The following ARHGAP9 variants were observed in gnomAD, a reference collection of about 807,000 sequenced individuals.
The protein encoded by ARHGAP9 is rho GTPase-activating protein 9.
Under a neutral mutation model 87.3 loss-of-function variants are expected in ARHGAP9, and 76 were observed. That is an observed-to-expected ratio of 0.87 (90% confidence interval 0.72 to 1.05). The LOEUF (loss-of-function observed/expected upper bound fraction) is 1.05. ARHGAP9 is among the 50% of genes least tolerant of loss of function. The probability of loss-of-function intolerance (pLI) is 0.00; values close to 1 mark genes in which losing one functional copy is unlikely to be tolerated. For missense variants in ARHGAP9, 941 were observed against 960.5 expected (o/e 0.98, Z 0.27); for synonymous variants, 382 against 394.9 (o/e 0.97, Z 0.39).
At chr12:57,488,276 G>C (rs1875611398) in intron 1 of ARHGAP9, 1 of 1,391,026 alleles carries the variant, frequency 7.2e-7, no homozygotes, top group South Asian at 1.2e-5. Flanking sequence ...AGCTGTCTTT[G>C]CCAAACCCCT....
chr12:57,488,084 C>T lies in ARHGAP9; in HGVS notation c.-204+528G>A, dbSNP rs749853478. 5 of 1,612,536 alleles carry T rather than the reference C, an allele frequency of 3.1e-6. No individual in the cohort carries two copies. In the South Asian group the frequency reaches 4.4e-5, roughly 14 times the overall value. On this transcript the variant is annotated intron_variant, in intron 1 of 20. Coordinates refer to the ARHGAP9 transcript ENST00000393797. ...TCCGGTTGCATCAGCGAGGGATTCA[C>T]GGCGAAATGAGACTGTTCGTGAGTG...
rs753763150 is a variant in ARHGAP9 at position 57,477,103 on chromosome 12, T to C, written c.870+53A>G. ...AGAATGTCTTACACAAAACAGAAAGTCATAACAAGCTGGCTTTTTCTGCAT... is the reference window on the plus strand; with the variant it reads ...AGAATGTCTTACACAAAACAGAAAGCCATAACAAGCTGGCTTTTTCTGCAT... On this transcript the variant is annotated intron_variant, in intron 5 of 17. Coordinates refer to ENST00000393791, the MANE Select transcript of ARHGAP9 (RefSeq NM_032496.4). 5 of 1,588,632 alleles carry C rather than the reference T, an allele frequency of 3.1e-6. No homozygotes were observed. The South Asian group carries it at 5.5e-5, about 18-fold the overall frequency.
chr12:57,478,162 C>T, intron 3 of ARHGAP9: 1 of 310,098 alleles, frequency 3.2e-6, no homozygotes, highest in South Asian at 3.5e-5. Flanking sequence ...CAGAAAAACC[C>T]TGCCCTGGGC....
At position 57,474,958 on chromosome 12, in the gene ARHGAP9, C is replaced by T; in HGVS notation, c.1568G>A (p.Cys523Tyr). The T allele has an allele frequency of 6.2e-7, 1 of 1,614,018 alleles. No individual in the cohort carries two copies. The highest frequency in any genetic ancestry group is 8.5e-7 in the Non-Finnish European group (1 of 1,180,032). The part of the protein sequence containing the change: ...RGLLRDQVFG[C>Y]QLESLCQREG... ...CCGCTGGCAGAGTGATTCCAACTGG[C>T]AGCCGAACACCTGGTCTGGGGAAGT... Residue 523 changes from cysteine to tyrosine, a missense_variant, in exon 13 of 18, where the codon TGC (cysteine) becomes TAC (tyrosine). Cys to Tyr is a radical substitution (Grantham distance 194). Coordinates refer to ENST00000393791, the MANE Select transcript of ARHGAP9 (RefSeq NM_032496.4).
rs767242224 is a variant in ARHGAP9 at position 57,474,435 on chromosome 12, G to A, written c.1771C>T (p.Gln591Ter). 1 of 1,614,066 alleles carries A rather than the reference G, an allele frequency of 6.2e-7. No homozygotes were observed. The change falls in exon 15 of 18, where the codon CAG becomes TAG. Residue 591 changes from glutamine (Q) to a stop codon, truncating the protein, a stop_gained. Transcript: ENST00000393791. LOFTEE classifies it high-confidence loss of function. ...TCCATGTAAGTACCTTGTCCTGGCTGTTCTGGGAACACATACCTCCCATCG... is the reference window on the plus strand; with the variant it reads ...TCCATGTAAGTACCTTGTCCTGGCTATTCTGGGAACACATACCTCCCATCG... Reference protein sequence around the residue: ...TSDGRYVFPEQPGQEGRLDLD... With the variant: ...TSDGRYVFPE
At chr12:57,476,304 C>T in intron 8 of ARHGAP9, 60 bp downstream of exon 8, 1 of 1,584,602 alleles carries the variant, frequency 6.3e-7, no homozygotes, top group Non-Finnish European at 8.6e-7. Flanking sequence ...GCCGCCCCCA[C>T]ATTGGCGTGA....
chr12:57,475,631 G>A lies in ARHGAP9; in HGVS notation c.1312-16C>T. On this transcript the variant is annotated splice_polypyrimidine_tract_variant and intron_variant, in intron 10 of 17. Coordinates refer to ENST00000393791, the MANE Select transcript of ARHGAP9 (RefSeq NM_032496.4). ...TCTCCCGATCCTAGACCCGGGGCGG[G>A]CCGTGTCGAAGGTGAGAGAGGAGAG... 1 of 1,605,558 alleles carries A rather than the reference G, an allele frequency of 6.2e-7. No homozygotes were observed. Among genetic ancestry groups the A allele is most frequent in the Non-Finnish European group, 8.5e-7 (1 of 1,176,164 alleles).
intron 9 of ARHGAP9, 34 bp downstream of exon 9, chr12:57,476,037 G>A: frequency 6.6e-7 from 1 of 1,511,670 alleles, no homozygotes; most frequent in South Asian, 1.3e-5. Flanking sequence ...CTCGGGTCGG[G>A]TGGGGCCTTG....
At position 57,476,464 on chromosome 12, in the gene ARHGAP9, C is replaced by T. The variant is rs766293958; in HGVS notation, c.1026-10G>A. The T allele has an allele frequency of 1.9e-6, 3 of 1,613,958 alleles. No homozygotes were observed. Among genetic ancestry groups the T allele is most frequent in the Admixed American group, 3.3e-5 (2 of 60,016 alleles). ...CGGGCCCCAGTTCTTCCTGCGGGGA[C>T]AGAGAGGGGAGGTAGTGGTAGCGAA... On this transcript the variant is annotated splice_polypyrimidine_tract_variant and intron_variant, in intron 7 of 17. Coordinates refer to ENST00000393791, the MANE Select transcript of ARHGAP9 (RefSeq NM_032496.4).
rs1382670372 is a variant in ARHGAP9, at chr12:57,472,452, CAG to C, written c.*63_*64del. The C allele has an allele frequency of 1.2e-5, 19 of 1,545,824 alleles. 1 individual carries two copies. The highest frequency in any genetic ancestry group is 4.9e-5 in the South Asian group (4 of 81,200). The stretch of plus-strand genomic sequence containing the variant: ...GAGATTTAAAGGGATATCCTCAAAA[CAG>C]AACACCAGCCTCTCACCACCAGAGA... On this transcript the variant is annotated 3_prime_UTR_variant, in exon 18 of 18. Coordinates refer to ENST00000393791, the MANE Select transcript of ARHGAP9 (RefSeq NM_032496.4).
intron 8 of ARHGAP9, 28 bp from the exon 9 acceptor site, chr12:57,476,194 A>G: frequency 2.0e-6 from 3 of 1,525,890 alleles, no homozygotes; most frequent in Non-Finnish European, 2.6e-6. Context: ...AACTGAGGCC[A>G]CGGTGTTGTT....
Position 57,472,625 on chromosome 12 carries a change from T to C in ARHGAP9, c.2088A>G (p.Pro696=), listed in dbSNP as rs540675302. ...TCTCCTGCTCTGGCCGAAACAGGGTTGGTCCAAACACAATTCCCAGGTTGT... is the reference window on the plus strand; with the variant it reads ...TCTCCTGCTCTGGCCGAAACAGGGTCGGTCCAAACACAATTCCCAGGTTGT... ...TPHNLGIVFG[P]TLFRPEQETS... is the part of the protein sequence containing the mutation. The change falls in exon 18 of 18, where the codon CCA becomes CCG. Residue 696 remains proline, a synonymous_variant. Transcript: ENST00000393791. 1 of 1,614,216 alleles carries C rather than the reference T, an allele frequency of 6.2e-7. No individual in the cohort carries two copies. Among genetic ancestry groups the C allele is most frequent in the East Asian group, 2.2e-5 (1 of 44,888 alleles).
At position 57,476,962 on chromosome 12, in the gene ARHGAP9, C is replaced by G. The variant is rs772922201; in HGVS notation, c.872G>C (p.Gly291Ala). ...GGTGCGTTGGCTGAGGCTGAGTGAA[C>G]CCTAGGGGAGAGGATTGGAGAAACA... is the stretch of plus-strand genomic sequence containing the variant. Reference protein sequence around the residue: ...TGTPEPLDPQGSLSLSQRTSQ... With the variant: ...TGTPEPLDPQASLSLSQRTSQ... The change falls in exon 6 of 18, where the codon GGT (glycine) becomes GCT (alanine). Residue 291 changes from glycine (G) to alanine (A), a missense_variant and splice_region_variant. Coordinates refer to ENST00000393791, the MANE Select transcript of ARHGAP9 (RefSeq NM_032496.4). 13 of 1,612,544 alleles carry G rather than the reference C, an allele frequency of 8.1e-6. No homozygotes were observed. Among genetic ancestry groups the G allele is most frequent in the Non-Finnish European group, 8.5e-6 (10 of 1,179,780 alleles).
rs1044489975 is a variant in ARHGAP9 at position 57,474,730 on chromosome 12, G to C, written c.1652-27C>G. ...TGGGAGATGAGGAAGGAGTAGATAA[G>C]GACTGCTGCTTGAAAGTGTGTGTGG... On this transcript the variant is annotated intron_variant, in intron 13 of 17. Transcript: ENST00000393791. 3.7e-6 allele frequency: 6 copies of C among 1,613,418 alleles called. No individual in the cohort carries two copies. The East Asian group carries it at 1.3e-4, about 36-fold the overall frequency.
chr12:57,478,617 G>A lies in ARHGAP9; in HGVS notation c.457C>T (p.Leu153=). 6.2e-7 allele frequency: 1 copy of A among 1,614,108 alleles called. No individual in the cohort carries two copies. Among genetic ancestry groups the A allele is most frequent in the Non-Finnish European group, 8.5e-7 (1 of 1,180,038 alleles). The change falls in exon 3 of 18, where the codon CTG becomes TTG. Residue 153 remains leucine (L), a synonymous_variant. Coordinates refer to ENST00000393791, the MANE Select transcript of ARHGAP9 (RefSeq NM_032496.4). ...CTTGGTCCTTCCTGGAAAGGCTTCA[G>A]AAGGCTGGGGCTCAGATTGTCAGTG... The part of the protein sequence containing the change: ...VSTDNLSPSL[L]KPFQEGPSGR...
chr12:57,478,236 C>T (rs1874479610), intron 3 of ARHGAP9: 1 of 378,612 alleles, frequency 2.6e-6, no homozygotes, highest in East Asian at 5.6e-5. Context: ...CGCCCTGTGC[C>T]CTGTCCCCTC....
chr12:57,476,943 T>C lies in ARHGAP9; in HGVS notation c.891A>G (p.Gln297=), dbSNP rs35090815. The C allele has an allele frequency of 3.9e-3, 6,306 of 1,613,254 alleles. 27 individuals are homozygous for C. The highest frequency in any genetic ancestry group is 0.016 in the South Asian group (1,465 of 91,022). Residue 297 remains glutamine (Q), a synonymous_variant, in exon 6 of 18, where the codon CAA becomes CAG. Coordinates refer to ENST00000393791, the MANE Select transcript of ARHGAP9 (RefSeq NM_032496.4). The part of the protein sequence containing the change: ...LDPQGSLSLS[Q]RTSQLDPPAL... ...CTGGAGGGTCAAGCTGCGAGGTGCG[T>C]TGGCTGAGGCTGAGTGAACCCTAGG...
rs1424882159 is a variant in ARHGAP9 at position 57,476,458 on chromosome 12, C to T, written c.1026-4G>A. On this transcript the variant is annotated splice_polypyrimidine_tract_variant and splice_region_variant and intron_variant, in intron 7 of 17. Transcript: ENST00000393791. ...CCAAGACGGGCCCCAGTTCTTCCTG[C>T]GGGGACAGAGAGGGGAGGTAGTGGT... 1 of 1,613,950 alleles carries T rather than the reference C, an allele frequency of 6.2e-7. No individual in the cohort carries two copies. Among genetic ancestry groups the T allele is most frequent in the African/African-American group, 1.3e-5 (1 of 75,040 alleles).
chr12:57,477,928 C>T, intron 3 of ARHGAP9: 2 of 1,297,448 alleles, frequency 1.5e-6, no homozygotes, highest in Non-Finnish European at 2.0e-6. Flanking sequence ...CCACCCCACC[C>T]CCACCTCAGG....
Sources: gnomAD v4.1 joint callset for allele counts on GRCh38, gnomAD v4.1.1 for gene constraint, MANE v1.5 for transcripts, NCBI Gene and HGNC (gene_info 2026-07-23, HGNC 2026-07-21) for gene names.